The following RUNX1T1 variants were observed in gnomAD, a reference collection of about 807,000 sequenced individuals.
RUNX1T1 encodes the protein RUNX1 partner transcriptional co-repressor 1, also known as protein CBFA2T1.
Under a neutral mutation model 62.8 loss-of-function variants are expected in RUNX1T1, and 4 were observed. The ratio of observed to expected loss-of-function variants is 0.06; its 90% CI spans 0.03 to 0.15. The LOEUF (loss-of-function observed/expected upper bound fraction) is 0.15, where lower values mean the gene tolerates loss of function less well. Among genes scored for constraint, RUNX1T1 ranks in the 10% least tolerant of loss-of-function variants. RUNX1T1 has a pLI of 1.00. For missense variants in RUNX1T1, 508 were observed against 754.3 expected (o/e 0.67, Z 3.82); for synonymous variants, 291 against 286.0 (o/e 1.02, Z -0.18).
intron 1 of RUNX1T1, among the ~76,000 whole-genome samples, chr8:92,092,569 T>A (rs1837194984): frequency 6.6e-6 from 1 of 152,232 alleles, no homozygotes; most frequent in Admixed American, 6.5e-5. Flanking sequence ...AAGAACAGTG[T>A]TAACTTTGTT....
At chr8:91,983,135 A>C (rs1437458346) in intron 8 of RUNX1T1, among the ~76,000 whole-genome samples, 1 of 150,872 alleles carries the variant, frequency 6.6e-6, no homozygotes, top group Non-Finnish European at 1.5e-5. Flanking sequence ...GGGTTTCACC[A>C]TGTTGGCCAG....
chr8:92,019,153 A>G (rs951318259), intron 1 of RUNX1T1: 1 of 152,228 alleles, frequency 6.6e-6, no homozygotes. Context: ...CAACAAGGGA[A>G]TAAATAGCTT....
upstream of RUNX1T1, among the ~76,000 whole-genome samples, chr8:92,065,229 C>G (rs145533848): frequency 3.3e-5 from 5 of 152,190 alleles, no homozygotes; most frequent in African/African-American, 1.2e-4. Context: ...TCTCTAACAT[C>G]CAAATTGTAT....
At chr8:92,025,965 T>C (rs1172020747) in intron 1 of RUNX1T1, among the ~76,000 whole-genome samples, 1 of 152,230 alleles carries the variant, frequency 6.6e-6, no homozygotes, top group Non-Finnish European at 1.5e-5. Flanking sequence ...AGGCAATTTA[T>C]ACACATATGA....
chr8:91,998,094 T>A (rs1346886596), intron 5 of RUNX1T1, among the ~76,000 whole-genome samples: 3 of 152,066 alleles, frequency 2.0e-5, no homozygotes, highest in Admixed American at 2.0e-4. Context: ...AGACATTGAA[T>A]CAAGGGGGGG....
At chr8:92,087,311 AC>A (rs1296192401) in intron 1 of RUNX1T1, among the ~76,000 whole-genome samples, 19 of 151,806 alleles carry the variant, frequency 1.3e-4, no homozygotes, top group African/African-American at 4.4e-4. Context: ...CTCATTTCCC[AC>A]TCAACACCCA....
intron 2 of RUNX1T1, among the ~76,000 whole-genome samples, chr8:92,073,121 T>C (rs763190921): frequency 6.6e-6 from 1 of 152,270 alleles, no homozygotes; most frequent in East Asian, 1.9e-4. Context: ...CTTCTTAGAA[T>C]TGTCCTCAAT....
chr8:92,083,425 A>G (rs1474410257), intron 1 of RUNX1T1, among the ~76,000 whole-genome samples: 2 of 152,206 alleles, frequency 1.3e-5, no homozygotes, highest in African/African-American at 4.8e-5. Context: ...CCCCATCAAA[A>G]AGTGTGTGAA....
chr8:91,976,090 C>T lies in RUNX1T1; in HGVS notation c.1199-117G>A, dbSNP rs553567586. ...TTCTCCTGGCTTCTCTACAAAAACG[C>T]AATTTTAAAAGGCTAAACATTTCAC... On this transcript the variant is annotated intron_variant, in intron 8 of 10. Transcript: ENST00000396218. The T allele has an allele frequency of 9.2e-5, 64 of 695,946 alleles. No homozygotes were observed. In the South Asian group the frequency reaches 1.1e-3, roughly 12 times the overall value. The allele number at this position is 695,946 out of a possible 1,614,324, so 43.1% of individuals were successfully genotyped here.
chr8:91,986,534 C>T (rs530475254), intron 7 of RUNX1T1, among the ~76,000 whole-genome samples: 3 of 152,206 alleles, frequency 2.0e-5, no homozygotes, highest in African/African-American at 4.8e-5. Context: ...GTTATGAACA[C>T]GAGTCAGAAG....
intron 8 of RUNX1T1, among the ~76,000 whole-genome samples, chr8:91,985,186 A>C (rs1816293212): frequency 6.6e-6 from 1 of 152,218 alleles, no homozygotes; most frequent in Admixed American, 6.5e-5. Context: ...CCAACGCATA[A>C]GATAATATGA....
intron 10 of RUNX1T1, among the ~76,000 whole-genome samples, chr8:91,963,008 T>A (rs1810839921): frequency 6.6e-6 from 1 of 152,204 alleles, no homozygotes; most frequent in Non-Finnish European, 1.5e-5. Flanking sequence ...ACCAGGTAAT[T>A]ACAGATGCAT....
At chr8:92,007,822 G>A (rs1004767891) in intron 4 of RUNX1T1, among the ~76,000 whole-genome samples, 2 of 151,954 alleles carry the variant, frequency 1.3e-5, no homozygotes, top group Non-Finnish European at 2.9e-5. Context: ...ATACAAAATC[G>A]GTTGGATGCA....
chr8:92,061,288 T>C (rs2130591865), intron 1 of RUNX1T1, among the ~76,000 whole-genome samples: 1 of 152,308 alleles, frequency 6.6e-6, no homozygotes, highest in Non-Finnish European at 1.5e-5. Flanking sequence ...AAAAATCAGA[T>C]AAATGTGCTC....
chr8:92,042,914 G>A (rs1419263373), intron 1 of RUNX1T1, among the ~76,000 whole-genome samples: 2 of 152,106 alleles, frequency 1.3e-5, no homozygotes, highest in Non-Finnish European at 2.9e-5. Flanking sequence ...TTGGATTCAA[G>A]CATGTCAGTT....
downstream of RUNX1T1, chr8:91,957,139 T>C (rs1179211937): frequency 1.4e-5 from 3 of 214,354 alleles, no homozygotes; most frequent in African/African-American, 6.8e-5. Flanking sequence ...AAGATAACTT[T>C]TTCTTAATGT....
At chr8:92,010,151 C>T (rs1432627484) in intron 4 of RUNX1T1, 1 of 152,146 alleles carries the variant, frequency 6.6e-6, no homozygotes, top group Admixed American at 6.5e-5. Context: ...AAGGTAAATC[C>T]TCCTTGGCAA....
chr8:92,095,604 G>T, intron 1 of RUNX1T1: 2 of 1,405,202 alleles, frequency 1.4e-6, no homozygotes, highest in East Asian at 2.6e-5. Context: ...GCGGGAGAGG[G>T]AGGAAAAGTG....
intron 8 of RUNX1T1, chr8:91,977,558 T>C (rs1030821392): frequency 5.3e-6 from 1 of 188,710 alleles, no homozygotes; most frequent in African/African-American, 2.3e-5. Context: ...AGAAATAAAG[T>C]GCAATCAAGT....
Sources: allele counts gnomAD v4.1 joint callset (sites outside exome capture counted in the v4.1 genomes callset), GRCh38; gene constraint gnomAD v4.1.1; transcripts MANE v1.5; gene names NCBI Gene and HGNC (gene_info 2026-07-23, HGNC 2026-07-21).